The following SUCLG2 variants were observed in gnomAD, a reference collection of about 807,000 sequenced individuals.
SUCLG2 encodes succinate--CoA ligase [GDP-forming] subunit beta, mitochondrial.
In SUCLG2, 42 loss-of-function variants were observed where a neutral mutation model predicts 47.9. The ratio of observed to expected loss-of-function variants is 0.88; its 90% CI spans 0.69 to 1.14. The LOEUF is 1.14. Ranked by LOEUF, SUCLG2 falls within the 50% of genes most tolerant of loss-of-function variation. The probability of loss-of-function intolerance (pLI) is 0.00; values close to 1 mark genes in which losing one functional copy is unlikely to be tolerated. For synonymous variants in SUCLG2, 195 were observed against 197.3 expected (o/e 0.99, Z 0.10); for missense variants, 571 against 525.9 (o/e 1.09, Z -0.84).
intron 9 of SUCLG2, among the ~76,000 whole-genome samples, chr3:67,428,964 T>C (rs1056506196): frequency 6.6e-5 from 10 of 152,074 alleles, no homozygotes; most frequent in Admixed American, 6.5e-5. Flanking sequence ...AAAGACCAAA[T>C]CTATGTCTGA....
chr3:67,502,347 G>A (rs1175948390), intron 7 of SUCLG2, among the ~76,000 whole-genome samples: 4 of 152,142 alleles, frequency 2.6e-5, no homozygotes, highest in East Asian at 1.9e-4. Context: ...ACAATGTTGT[G>A]CCATCTAAAT....
At chr3:67,393,017 G>GA (rs111804795) in intron 10 of SUCLG2, among the ~76,000 whole-genome samples, 7 of 150,522 alleles carry the variant, frequency 4.7e-5, no homozygotes, top group Non-Finnish European at 5.9e-5. Context: ...CTCACAGTAA[G>GA]AAAAAAAAAA....
At chr3:67,443,468 G>T (rs1387299469) in intron 9 of SUCLG2, among the ~76,000 whole-genome samples, 1 of 74,682 alleles carries the variant, frequency 1.3e-5, no homozygotes, top group African/African-American at 4.8e-5. Flanking sequence ...CTGCCCGGCC[G>T]CCACCCCGTC....
intron 9 of SUCLG2, among the ~76,000 whole-genome samples, chr3:67,465,816 A>T (rs908101126): frequency 1.3e-5 from 2 of 151,704 alleles, no homozygotes; most frequent in African/African-American, 2.4e-5. Flanking sequence ...ATCCTGTTTT[A>T]CTATCTTCTT....
chr3:67,517,341 T>G (rs943530745), intron 6 of SUCLG2, among the ~76,000 whole-genome samples: 1 of 152,212 alleles, frequency 6.6e-6, no homozygotes, highest in East Asian at 1.9e-4. Flanking sequence ...CATCATGTAC[T>G]GTCTTATGGG....
rs530900159 is a variant in SUCLG2 at position 67,608,018 on chromosome 3, G to A, written c.226+1437C>T. ...TAGACTAATACACTCCTAAAGACTC[G>A]CAATAGCATTGGGAAATAAGTACTA... On this transcript the variant is annotated intron_variant, in intron 2 of 10. Transcript: ENST00000307227. Among the ~76,000 whole-genome samples, 8 of 152,268 alleles carry A rather than the reference G, an allele frequency of 5.3e-5. No individual in the cohort carries two copies. The East Asian group carries it at 1.2e-3, about 22-fold the overall frequency.
intron 4 of SUCLG2, among the ~76,000 whole-genome samples, chr3:67,523,229 C>T (rs1024315737): frequency 4.6e-5 from 7 of 152,094 alleles, no homozygotes; most frequent in African/African-American, 1.4e-4. Flanking sequence ...ATATAATGAT[C>T]TAAAAAGCTA....
intron 6 of SUCLG2, chr3:67,514,045 C>T (rs990156471): frequency 2.0e-5 from 7 of 356,538 alleles, no homozygotes; most frequent in Middle Eastern, 6.5e-4. Context: ...GCAAGCCGAG[C>T]GGTTGGCCAT....
intron 10 of SUCLG2, among the ~76,000 whole-genome samples, chr3:67,398,516 A>C (rs1452147261): frequency 6.6e-6 from 1 of 151,838 alleles, no homozygotes; most frequent in East Asian, 1.9e-4. Flanking sequence ...AAAAGTCAGG[A>C]AACAACAGGT....
chr3:67,505,329 A>G (rs917192428), intron 7 of SUCLG2, among the ~76,000 whole-genome samples: 13 of 152,238 alleles, frequency 8.5e-5, no homozygotes, highest in African/African-American at 3.1e-4. Context: ...TGTTACAGGA[A>G]TATAACTTTT....
chr3:67,391,811 T>C (rs1702389779), intron 10 of SUCLG2, among the ~76,000 whole-genome samples: 1 of 152,152 alleles, frequency 6.6e-6, no homozygotes, highest in Non-Finnish European at 1.5e-5. Flanking sequence ...TCTTTGCACT[T>C]TTCTGGATTT....
chr3:67,596,882 A>G (rs924837899), intron 2 of SUCLG2, among the ~76,000 whole-genome samples: 1 of 152,206 alleles, frequency 6.6e-6, no homozygotes, highest in African/African-American at 2.4e-5. Flanking sequence ...TAGGGGAGGC[A>G]GTGACAAAAA....
intron 9 of SUCLG2, among the ~76,000 whole-genome samples, chr3:67,413,413 G>C (rs920454601): frequency 7.2e-5 from 11 of 152,182 alleles, no homozygotes; most frequent in Non-Finnish European, 1.5e-4. Flanking sequence ...AGGAACATGG[G>C]TAACATGGAG....
intron 1 of SUCLG2, among the ~76,000 whole-genome samples, chr3:67,623,825 C>T (rs757840511): frequency 6.6e-6 from 1 of 152,210 alleles, no homozygotes; most frequent in Non-Finnish European, 1.5e-5. Flanking sequence ...ACACCAGCTT[C>T]CAGGGTGGCT....
intron 9 of SUCLG2, among the ~76,000 whole-genome samples, chr3:67,436,337 C>T (rs1703620731): frequency 6.6e-6 from 1 of 152,112 alleles, no homozygotes; most frequent in African/African-American, 2.4e-5. Context: ...CACAGTGACC[C>T]ATAGTGGACC....
chr3:67,558,280 A>G (rs940125423), intron 2 of SUCLG2, among the ~76,000 whole-genome samples: 1 of 151,980 alleles, frequency 6.6e-6, no homozygotes, highest in South Asian at 2.1e-4. Context: ...TAGAGTAGCC[A>G]TATGGTGCCT....
intron 9 of SUCLG2, among the ~76,000 whole-genome samples, chr3:67,428,023 C>T (rs1047069829): frequency 6.6e-6 from 1 of 152,234 alleles, no homozygotes; most frequent in Admixed American, 6.5e-5. Flanking sequence ...CCTCTATAGA[C>T]TCCACCTCTG....
chr3:67,514,951 G>C (rs1705900301), intron 6 of SUCLG2, among the ~76,000 whole-genome samples: 1 of 152,168 alleles, frequency 6.6e-6, no homozygotes, highest in South Asian at 2.1e-4. Context: ...GACACCCATG[G>C]TTTGATGATC....
Position 67,550,434 on chromosome 3 carries a change from G to C in SUCLG2, c.227-21248C>G, listed in dbSNP as rs117547376. ...GGCTCACTGCAGCCTCGAACTCCCG[G>C]GTTCAAGTGATCCTCCCTCAGCCTC... On this transcript the variant is annotated intron_variant, in intron 2 of 10. Transcript: ENST00000307227. Among the ~76,000 whole-genome samples, 652 of 152,156 alleles carry C rather than the reference G, an allele frequency of 4.3e-3. 9 individuals are homozygous for C. In the East Asian group the frequency reaches 0.051, roughly 12 times the overall value.
Sources: allele counts gnomAD v4.1 joint callset (sites outside exome capture counted in the v4.1 genomes callset), GRCh38; gene constraint gnomAD v4.1.1; transcripts MANE v1.5; gene names NCBI Gene and HGNC (gene_info 2026-07-23, HGNC 2026-07-21).